Variants in EFCAB13 observed in about 807,000 individuals in gnomAD.
The protein encoded by EFCAB13 is EF-hand calcium binding domain 13, also known as EF-hand calcium-binding domain-containing protein 13.
In EFCAB13, 91 loss-of-function variants were observed where a neutral mutation model predicts 110.2. The ratio of observed to expected loss-of-function variants is 0.83; its 90% CI spans 0.70 to 0.98. The LOEUF (loss-of-function observed/expected upper bound fraction) is 0.98. Among genes scored for constraint, EFCAB13 ranks in the 50% least tolerant of loss-of-function variants. The probability of loss-of-function intolerance (pLI) is 0.00; values close to 1 mark genes in which losing one functional copy is unlikely to be tolerated. For synonymous variants in EFCAB13, 323 were observed against 369.9 expected, an observed-to-expected ratio of 0.87 and a Z score of 1.45; for missense variants, 968 against 1,119.4, an observed-to-expected ratio of 0.86 and a Z score of 1.93.
chr17:47,393,970 T>G, intron 15 of EFCAB13, 55 bp from the exon 16 acceptor site: 1 of 976,786 alleles, frequency 1.0e-6, no homozygotes, highest in South Asian at 1.7e-5. Context: ...TAATTCAATA[T>G]TTTTCATAAT....
chr17:47,386,299 AC>A (rs1226152866), intron 14 of EFCAB13, among the ~76,000 whole-genome samples: 5 of 151,932 alleles, frequency 3.3e-5, no homozygotes, highest in South Asian at 2.1e-4. Context: ...TTTATCTATA[AC>A]CCCTTGACTG....
intron 10 of EFCAB13, among the ~76,000 whole-genome samples, chr17:47,368,265 T>C (rs771079999): frequency 1.1e-4 from 16 of 152,228 alleles, no homozygotes; most frequent in Non-Finnish European, 4.4e-5. Context: ...ATGGTGGTCT[T>C]TGTCAGGCTC....
At chr17:47,324,918 T>C (rs2065271989) in intron 2 of EFCAB13, among the ~76,000 whole-genome samples, 1 of 148,004 alleles carries the variant, frequency 6.8e-6, no homozygotes. Context: ...TCTGACGACA[T>C]TGTCTCCTTA....
intron 8 of EFCAB13, among the ~76,000 whole-genome samples, chr17:47,345,745 C>T (rs1043450763): frequency 1.3e-5 from 2 of 152,168 alleles, no homozygotes; most frequent in South Asian, 2.1e-4. Flanking sequence ...ACTTCCAGCT[C>T]TTTTTATTTA....
intron 21 of EFCAB13, 99 bp from the exon 22 acceptor site, chr17:47,412,674 G>A: frequency 1.7e-6 from 2 of 1,195,760 alleles, no homozygotes; most frequent in Non-Finnish European, 2.3e-6. Context: ...TTTTGATTCA[G>A]ATAAATATTT....
chr17:47,428,649 A>G (rs1305040532), intron 23 of EFCAB13, among the ~76,000 whole-genome samples: 2 of 152,140 alleles, frequency 1.3e-5, no homozygotes, highest in Non-Finnish European at 2.9e-5. Context: ...TGGCCTTTTA[A>G]ATAAATGATG....
At chr17:47,397,670 C>T (rs1260697674) in intron 17 of EFCAB13, among the ~76,000 whole-genome samples, 5 of 146,598 alleles carry the variant, frequency 3.4e-5, no homozygotes, top group South Asian at 2.2e-4. Flanking sequence ...CGCCGCCCCG[C>T]CTGGGATGTG....
At chr17:47,331,534 C>T (rs1160660654) in intron 4 of EFCAB13, among the ~76,000 whole-genome samples, 2 of 152,042 alleles carry the variant, frequency 1.3e-5, no homozygotes, top group African/African-American at 4.8e-5. Flanking sequence ...ACATCCTGTA[C>T]CAGAGTGGTA....
At chr17:47,325,923 A>AATATATATATATATATATATAT (rs60735562) in intron 2 of EFCAB13, among the ~76,000 whole-genome samples, 23 of 102,560 alleles carry the variant, frequency 2.2e-4, no homozygotes, top group East Asian at 7.1e-4. Context: ...ATATAAACAA[A>AATATATATATATATATATATAT]ATATATATAT....
intron 9 of EFCAB13, among the ~76,000 whole-genome samples, chr17:47,351,298 TGTGTGTGCGCGCGC>T (rs1044812560): frequency 1.5e-4 from 19 of 130,312 alleles, no homozygotes; most frequent in African/African-American, 3.5e-4. Context: ...TGTGTGTGTG[TGTGTGTGCGCGCGC>T]GCGCGCGCGC....
At chr17:47,330,417 G>T (rs940213779) in intron 4 of EFCAB13, among the ~76,000 whole-genome samples, 2 of 151,962 alleles carry the variant, frequency 1.3e-5, no homozygotes, top group Non-Finnish European at 2.9e-5. Flanking sequence ...TACCTGAATA[G>T]TATACATTGT....
intron 8 of EFCAB13, among the ~76,000 whole-genome samples, chr17:47,346,853 T>A (rs1275853503): frequency 6.6e-6 from 1 of 152,240 alleles, no homozygotes; most frequent in Non-Finnish European, 1.5e-5. Flanking sequence ...CATTAGTTGC[T>A]GAATTTTCTC....
chr17:47,428,881 G>GA (rs1454723950), intron 23 of EFCAB13, among the ~76,000 whole-genome samples: 1 of 151,952 alleles, frequency 6.6e-6, no homozygotes, highest in Admixed American at 6.6e-5. Context: ...TCTCATTGGA[G>GA]AAAAAACACA....
rs60735562 is a variant in EFCAB13, at chr17:47,325,923, A to AATATATATATATATAT, written c.-247-279_-247-264dup. 3.3e-3 allele frequency among the ~76,000 whole-genome samples: 337 copies of AATATATATATATATAT among 102,416 alleles called. 2 individuals carry two copies. Among genetic ancestry groups the AATATATATATATATAT allele is most frequent in the Non-Finnish European group, 4.0e-3 (212 of 52,446 alleles). 67.2% of individuals were successfully genotyped at this position (102,416 alleles called of 152,430 possible). A position where few individuals can be genotyped will look rare whatever the true frequency, so the allele number is the denominator to read the frequency against. On this transcript the variant is annotated intron_variant, in intron 2 of 24. Transcript: ENST00000331493. ...GCAGATTTTATATATATATAAACAA[A>AATATATATATATATAT]ATATATATATATATATATATATATA...
At chr17:47,417,318 A>G (rs962246898) in intron 23 of EFCAB13, among the ~76,000 whole-genome samples, 2 of 152,216 alleles carry the variant, frequency 1.3e-5, no homozygotes, top group Non-Finnish European at 2.9e-5. Flanking sequence ...CACTTGGTTT[A>G]ACTTTATGGA....
intron 10 of EFCAB13, among the ~76,000 whole-genome samples, chr17:47,362,770 C>G (rs1159908438): frequency 6.6e-6 from 1 of 152,248 alleles, no homozygotes; most frequent in African/African-American, 2.4e-5. Flanking sequence ...CTGTCTGTCT[C>G]TCTCTGCCTT....
At chr17:47,337,129 C>T (rs1014722153) in intron 5 of EFCAB13, among the ~76,000 whole-genome samples, 7 of 152,138 alleles carry the variant, frequency 4.6e-5, no homozygotes, top group Non-Finnish European at 8.8e-5. Flanking sequence ...TAGAAGACTA[C>T]AATAAAACTT....
chr17:47,425,093 A>G (rs1344549438), intron 23 of EFCAB13, among the ~76,000 whole-genome samples: 1 of 150,354 alleles, frequency 6.7e-6, no homozygotes, highest in Non-Finnish European at 1.5e-5. Flanking sequence ...CGTGTTAGCC[A>G]GGATGGTCTC....
chr17:47,333,467 T>C (rs935014342), intron 4 of EFCAB13, among the ~76,000 whole-genome samples: 1 of 152,222 alleles, frequency 6.6e-6, no homozygotes, highest in African/African-American at 2.4e-5. Context: ...CCATTTTTGC[T>C]TTTGTTGCCT....
Sources: allele counts gnomAD v4.1 joint callset (sites outside exome capture counted in the v4.1 genomes callset), GRCh38; gene constraint gnomAD v4.1.1; transcripts MANE v1.5; gene names NCBI Gene and HGNC (gene_info 2026-07-23, HGNC 2026-07-21).